The following NAALADL2 variants were observed in gnomAD, a reference collection of about 807,000 sequenced individuals.
The protein encoded by NAALADL2 is N-acetylated alpha-linked acidic dipeptidase like 2.
A neutral mutation model predicts 87.2 loss-of-function variants in NAALADL2; 76 were observed. The observed-to-expected ratio is 0.87, with a 90% CI of 0.72 to 1.05. NAALADL2 has a LOEUF of 1.05. Among genes scored for constraint, NAALADL2 ranks in the 50% least tolerant of loss-of-function variants. The probability of loss-of-function intolerance (pLI) is 0.00; values close to 1 mark genes in which losing one functional copy is unlikely to be tolerated. For missense variants in NAALADL2, 1,089 were observed against 945.8 expected (o/e 1.15, Z -1.99); for synonymous variants, 354 against 331.0 (o/e 1.07, Z -0.75).
intron 5 of NAALADL2, among the ~76,000 whole-genome samples, chr3:175,423,029 AT>A (rs71164630): frequency 0.015 from 1,512 of 103,216 alleles, 40 homozygotes; most frequent in African/African-American, 0.035. Context: ...AAAAAAAAAA[AT>A]ATATATATAT....
intron 12 of NAALADL2, among the ~76,000 whole-genome samples, chr3:175,743,593 C>T (rs1745542600): frequency 6.6e-6 from 1 of 152,138 alleles, no homozygotes; most frequent in Non-Finnish European, 1.5e-5. Context: ...GTAATGAATG[C>T]ATTGTGATGG....
chr3:174,884,091 G>T (rs1269434936), intron 1 of NAALADL2, among the ~76,000 whole-genome samples: 1 of 152,136 alleles, frequency 6.6e-6, no homozygotes, highest in Non-Finnish European at 1.5e-5. Context: ...AATCATCATT[G>T]TGTCTCCTGG....
rs367574361 is a variant in NAALADL2 at position 175,233,870 on chromosome 3, T to C, written c.546-61T>C. On this transcript the variant is annotated intron_variant, in intron 2 of 13. Transcript: ENST00000454872. ...ATATTGTTCATATATTGAGCAGTCA[T>C]ATCTCAAAAGAATAAAGTATTCTCC... The C allele has an allele frequency of 9.6e-6, 9 of 932,800 alleles. No homozygotes were observed. The African/African-American group carries it at 1.0e-4, about 10-fold the overall frequency. The allele number at this position is 932,800 out of a possible 1,614,324, so 57.8% of individuals were successfully genotyped here.
chr3:175,300,792 AT>A lies in NAALADL2; in HGVS notation c.940-23379del, dbSNP rs201823581. On this transcript the variant is annotated intron_variant, in intron 4 of 13. Transcript: ENST00000454872. Reference sequence around the variant, plus strand: ...ATTTATTTATTTATTTATTTATTTTATTTTATTTTATTTATTTTGAGCTCAC... The same window carrying A: ...ATTTATTTATTTATTTATTTATTTTATTTATTTTATTTATTTTGAGCTCAC... 2.0e-3 allele frequency among the ~76,000 whole-genome samples: 275 copies of A among 136,782 alleles called. 1 individual carries two copies. Among genetic ancestry groups the A allele is most frequent in the African/African-American group, 6.1e-3 (208 of 34,288 alleles). The allele number at this position is 136,782 out of a possible 152,430, so 89.7% of individuals were successfully genotyped here. A position where few individuals can be genotyped will look rare whatever the true frequency, so the allele number is the denominator to read the frequency against.
chr3:175,734,705 T>C (rs1380721659), intron 11 of NAALADL2, among the ~76,000 whole-genome samples: 2 of 152,148 alleles, frequency 1.3e-5, no homozygotes, highest in Non-Finnish European at 2.9e-5. Flanking sequence ...CCTTGGCCCA[T>C]TTTAGTCAAG....
intron 3 of NAALADL2, among the ~76,000 whole-genome samples, chr3:174,847,398 T>C (rs898140108): frequency 6.6e-6 from 1 of 152,182 alleles, no homozygotes; most frequent in Non-Finnish European, 1.5e-5. Context: ...GCCATATAAC[T>C]CATAATATCA....
chr3:175,138,060 G>A (rs990514055), intron 2 of NAALADL2, among the ~76,000 whole-genome samples: 2 of 152,178 alleles, frequency 1.3e-5, no homozygotes, highest in Admixed American at 6.5e-5. Context: ...GCCATGGGGC[G>A]GGGGTGAGGG....
At chr3:174,829,521 G>A (rs1579102760) in intron 3 of NAALADL2, among the ~76,000 whole-genome samples, 2 of 135,330 alleles carry the variant, frequency 1.5e-5, no homozygotes, top group Admixed American at 7.6e-5. Flanking sequence ...ATCATTGTTG[G>A]ACATTTGGGT....
At chr3:174,519,792 C>T (rs1200881296) in intron 1 of NAALADL2, among the ~76,000 whole-genome samples, 1 of 152,052 alleles carries the variant, frequency 6.6e-6, no homozygotes, top group Non-Finnish European at 1.5e-5. Flanking sequence ...ATCTAGCATC[C>T]TTTCATGATA....
Sources: allele counts gnomAD v4.1 joint callset (sites outside exome capture counted in the v4.1 genomes callset), GRCh38; gene constraint gnomAD v4.1.1; transcripts MANE v1.5; gene names NCBI Gene and HGNC (gene_info 2026-07-23, HGNC 2026-07-21).